CPEB4: variants seen among roughly 807,000 people sequenced by gnomAD.
CPEB4 encodes the protein cytoplasmic polyadenylation element-binding protein 4.
CPEB4 carries 12 observed loss-of-function variants against 72.5 expected under a neutral mutation model. That is an observed-to-expected ratio of 0.17 (90% CI 0.11 to 0.27). The LOEUF (loss-of-function observed/expected upper bound fraction) is 0.27. Ranked by LOEUF, CPEB4 falls within the 10% of genes least tolerant of loss-of-function variation. CPEB4 has a pLI of 1.00. For missense variants in CPEB4, 614 were observed against 908.5 expected (o/e 0.68, Z 4.17); for synonymous variants, 302 against 326.3 (o/e 0.93, Z 0.80).
rs201826621 is a variant in CPEB4 at position 173,903,060 on chromosome 5, G to GA, written c.1126-7447dup. ...TGGCAGATATTCCATGTAGCTGAAT[G>GA]AAAAAAAAAAAAAAAAGCTATATGC... On this transcript the variant is annotated intron_variant, in intron 1 of 9. Coordinates refer to ENST00000265085, the MANE Select transcript of CPEB4 (RefSeq NM_030627.4). Among the ~76,000 whole-genome samples, 1,202 of 120,772 alleles carry GA rather than the reference G, an allele frequency of 1.0e-2. 11 individuals carry two copies. Among genetic ancestry groups the GA allele is most frequent in the African/African-American group, 0.027 (803 of 30,264 alleles). The allele number at this position is 120,772 out of a possible 152,430, so 79.2% of individuals were successfully genotyped here. A position where few individuals can be genotyped will look rare whatever the true frequency, so the allele number is the denominator to read the frequency against.
intron 3 of CPEB4, among the ~76,000 whole-genome samples, chr5:173,934,699 C>A (rs139301985): frequency 6.6e-6 from 1 of 152,280 alleles, no homozygotes; most frequent in East Asian, 1.9e-4. Flanking sequence ...AGACCAGATG[C>A]CAGAGGTGAC....
chr5:173,918,903 C>A (rs889589014), intron 2 of CPEB4, among the ~76,000 whole-genome samples: 2 of 152,008 alleles, frequency 1.3e-5, no homozygotes, highest in Non-Finnish European at 2.9e-5. Context: ...TATTTTGAGG[C>A]CATGAAAATC....
intron 5 of CPEB4, among the ~76,000 whole-genome samples, chr5:173,947,601 G>T (rs1028980408): frequency 6.6e-5 from 10 of 152,024 alleles, no homozygotes; most frequent in Non-Finnish European, 1.3e-4. Flanking sequence ...ATAGAAAGGC[G>T]GAAGGCTAGA....
chr5:173,898,747 GTT>G (rs1231230020), intron 1 of CPEB4, among the ~76,000 whole-genome samples: 3 of 152,160 alleles, frequency 2.0e-5, no homozygotes, highest in Admixed American at 2.0e-4. Flanking sequence ...CGCGATCTTG[GTT>G]CACAGCAACC....
chr5:173,949,582 T>G lies in CPEB4; in HGVS notation c.1531T>G (p.Tyr511Asp), dbSNP rs1451569621. 1.2e-6 allele frequency: 2 copies of G among 1,610,960 alleles called. No individual in the cohort carries two copies. Among genetic ancestry groups the G allele is most frequent in the Non-Finnish European group, 1.7e-6 (2 of 1,177,548 alleles). Residue 511 changes from tyrosine (Y) to aspartate (D), a missense_variant, in exon 6 of 10, where the codon TAT becomes GAT. Tyr to Asp is a radical substitution (Grantham distance 160). Around this residue, in one of 5 missense-constraint regions of CPEB4, gnomAD observed 25 missense variants for 68.9 expected, o/e 0.36. Coordinates refer to ENST00000265085, the MANE Select transcript of CPEB4 (RefSeq NM_030627.4). ...DWPHKAESKS[Y>D]FPPKGYAFLL... Reference sequence around the variant, plus strand: ...GCCTCATAAAGCTGAGAGCAAATCCTATTTTCCTCCTAAAGGTAATTCTCA... The same window carrying G: ...GCCTCATAAAGCTGAGAGCAAATCCGATTTTCCTCCTAAAGGTAATTCTCA...
intron 3 of CPEB4, among the ~76,000 whole-genome samples, chr5:173,942,188 C>G (rs1757870909): frequency 1.3e-5 from 2 of 152,232 alleles, no homozygotes; most frequent in South Asian, 4.1e-4. Flanking sequence ...GCATTAAAAG[C>G]TGCTAGTTCC....
At chr5:173,943,840 T>C (rs1163047060) in intron 4 of CPEB4, among the ~76,000 whole-genome samples, 1 of 152,196 alleles carries the variant, frequency 6.6e-6, no homozygotes, top group Non-Finnish European at 1.5e-5. Flanking sequence ...TGGCAAAACC[T>C]GGAATGTTTC....
chr5:173,956,603 C>CTTT lies in CPEB4; in HGVS notation c.*480_*482dup, dbSNP rs55771761. The CTTT allele has an allele frequency of 4.2e-4, 56 of 133,060 alleles. 1 individual carries two copies. Among genetic ancestry groups the CTTT allele is most frequent in the Non-Finnish European group, 6.4e-4 (40 of 62,324 alleles). 8.2% of individuals were successfully genotyped at this position (133,060 alleles called of 1,614,324 possible). A position where few individuals can be genotyped will look rare whatever the true frequency, so the allele number is the denominator to read the frequency against. On this transcript the variant is annotated 3_prime_UTR_variant, in exon 10 of 10. Transcript: ENST00000265085. ...GGGAAGTGCTTTTGCCTTTTCCTTT[C>CTTT]TTTTTTTTTTTTTTTTCATCTTTTT...
chr5:173,915,943 T>C (rs958333221), intron 2 of CPEB4, among the ~76,000 whole-genome samples: 1 of 152,230 alleles, frequency 6.6e-6, no homozygotes, highest in African/African-American at 2.4e-5. Flanking sequence ...CTTTTTTTCT[T>C]TTCTGTATGT....
At chr5:173,910,429 T>A (rs771887833) in intron 1 of CPEB4, 94 bp from the exon 2 acceptor site, 25 of 830,378 alleles carry the variant, frequency 3.0e-5, no homozygotes, top group Non-Finnish European at 5.1e-5. Context: ...AAATTGCTAC[T>A]TTGTGATCTG....
At chr5:173,906,509 G>A (rs1455658660) in intron 1 of CPEB4, among the ~76,000 whole-genome samples, 2 of 152,182 alleles carry the variant, frequency 1.3e-5, no homozygotes, top group Admixed American at 1.3e-4. Context: ...ATAAGTTTGG[G>A]TTGTGGGGAA....
chr5:173,923,578 G>A (rs904587766), intron 2 of CPEB4, among the ~76,000 whole-genome samples: 3 of 152,042 alleles, frequency 2.0e-5, no homozygotes, highest in African/African-American at 7.2e-5. Context: ...CTTCTTTTAA[G>A]CAAACTTTTT....
At chr5:173,928,525 A>G (rs1314802452) in intron 2 of CPEB4, among the ~76,000 whole-genome samples, 2 of 152,198 alleles carry the variant, frequency 1.3e-5, no homozygotes, top group East Asian at 1.9e-4. Context: ...AAAAGCACAT[A>G]TTTATATATC....
chr5:173,911,208 G>A (rs183009653), intron 2 of CPEB4, among the ~76,000 whole-genome samples: 35 of 151,938 alleles, frequency 2.3e-4, no homozygotes, highest in African/African-American at 8.4e-4. Context: ...AGAATTACCC[G>A]GGTGCTTTAA....
intron 5 of CPEB4, among the ~76,000 whole-genome samples, chr5:173,948,903 G>C (rs547128437): frequency 6.6e-6 from 1 of 152,140 alleles, no homozygotes; most frequent in Admixed American, 6.5e-5. Context: ...ACCTACCAAA[G>C]GCCCCAGCTC....
chr5:173,899,199 A>G (rs878885079), intron 1 of CPEB4, among the ~76,000 whole-genome samples: 1 of 152,152 alleles, frequency 6.6e-6, no homozygotes, highest in Admixed American at 6.5e-5. Flanking sequence ...GTGAACTCCC[A>G]TGTATGTGTC....
rs1755757530 is a variant in CPEB4 at position 173,890,221 on chromosome 5, C to T, written c.488C>T (p.Ser163Leu). 1.2e-6 allele frequency: 2 copies of T among 1,614,132 alleles called. No homozygotes were observed. Among genetic ancestry groups the T allele is most frequent in the South Asian group, 1.1e-5 (1 of 91,078 alleles). The change falls in exon 1 of 10, where the codon TCG (serine) becomes TTG (leucine). Residue 163 changes from serine to leucine, a missense_variant. Physicochemically the swap from Ser to Leu is moderately radical, Grantham distance 145 (BLOSUM62 -2). Coordinates refer to ENST00000265085, the MANE Select transcript of CPEB4 (RefSeq NM_030627.4). ...ACCCAACCCTTGACATCTAGCGCAT[C>T]GTCTCTTACTGGTTTCAGTAACTGG... is the stretch of plus-strand genomic sequence containing the variant. Reference protein sequence around the residue: ...TSTQPLTSSASSLTGFSNWSA... With the variant: ...TSTQPLTSSALSLTGFSNWSA...
intron 2 of CPEB4, among the ~76,000 whole-genome samples, chr5:173,927,699 C>A (rs1757295821): frequency 6.6e-6 from 1 of 151,996 alleles, no homozygotes; most frequent in African/African-American, 2.4e-5. Flanking sequence ...ATCGCTTGAA[C>A]CCAGGAAGCA....
intron 2 of CPEB4, among the ~76,000 whole-genome samples, chr5:173,911,392 A>G (rs1581124329): frequency 6.6e-6 from 1 of 151,976 alleles, no homozygotes; most frequent in African/African-American, 2.4e-5. Flanking sequence ...CCTCCCGAGT[A>G]GCTGGGACTA....
Sources: allele counts gnomAD v4.1 joint callset (sites outside exome capture counted in the v4.1 genomes callset), GRCh38; gene constraint gnomAD v4.1.1; regional missense constraint gnomAD v4.1.1; transcripts MANE v1.5; gene names NCBI Gene and HGNC (gene_info 2026-07-23, HGNC 2026-07-21).